CATSPERE: variants seen among roughly 807,000 people sequenced by gnomAD.
CATSPERE encodes the protein cation channel sperm-associated auxiliary subunit epsilon.
A neutral mutation model predicts 114.1 loss-of-function variants in CATSPERE; 93 were observed. The observed-to-expected ratio is 0.81, with a 90% confidence interval of 0.69 to 0.97. The LOEUF is 0.97. CATSPERE is among the 50% of genes least tolerant of loss of function. The pLI, the probability that CATSPERE is intolerant of heterozygous loss-of-function variation, is 0.00. For synonymous variants in CATSPERE, 341 were observed against 384.1 expected (o/e 0.89, Z 1.31); for missense variants, 1,058 against 1,131.6 (o/e 0.93, Z 0.93).
At chr1:244,460,319 G>A (rs1666560322), upstream of CATSPERE, among the ~76,000 whole-genome samples, 5 of 152,092 alleles carry the variant, frequency 3.3e-5, no homozygotes, top group Admixed American at 3.3e-4. Flanking sequence ...TCCTAAGATC[G>A]GTGCTCGAGA....
rs142766335 is a variant in CATSPERE, at chr1:244,603,588, A to G, written c.2304-2107A>G. 2.5e-3 allele frequency among the ~76,000 whole-genome samples: 379 copies of G among 152,294 alleles called. 5 individuals are homozygous for G. The highest frequency in any genetic ancestry group is 0.014 in the East Asian group (71 of 5,184). On this transcript the variant is annotated intron_variant, in intron 17 of 21. Coordinates refer to ENST00000366534, the MANE Select transcript of CATSPERE (RefSeq NM_001130957.2). The stretch of plus-strand genomic sequence containing the variant: ...AAACCCAGAAATTATGGGTCATGTA[A>G]TTTACACTTATTGCCACTAGATGGC...
chr1:244,545,634 A>G (rs1031770275), intron 8 of CATSPERE, among the ~76,000 whole-genome samples: 5 of 152,172 alleles, frequency 3.3e-5, no homozygotes, highest in African/African-American at 7.2e-5. Flanking sequence ...TTGGCCTACT[A>G]TTGGGCTTTA....
Position 244,577,490 on chromosome 1 carries a change from G to C in CATSPERE, c.1951-4306G>C, listed in dbSNP as rs184301097. Among the ~76,000 whole-genome samples, 281 of 152,264 alleles carry C rather than the reference G, an allele frequency of 1.8e-3. 2 individuals are homozygous for C. The highest frequency in any genetic ancestry group is 7.7e-4 in the East Asian group (4 of 5,180). On this transcript the variant is annotated intron_variant, in intron 11 of 21. Transcript: ENST00000366534. Reference sequence around the variant, plus strand: ...TCAAACCAGGTGGCTTATAACAACAGAAATTTACTTTCTCATAGTTCTGGA... The same window carrying C: ...TCAAACCAGGTGGCTTATAACAACACAAATTTACTTTCTCATAGTTCTGGA...
chr1:244,548,768 A>C (rs371879183), intron 8 of CATSPERE, among the ~76,000 whole-genome samples: 5 of 152,346 alleles, frequency 3.3e-5, no homozygotes, highest in Admixed American at 6.5e-5. Flanking sequence ...TGAACGGCTG[A>C]GCAAGGTTCC....
At chr1:244,452,052 C>G (rs1373171905), upstream of CATSPERE, 1 of 370,694 alleles carries the variant, frequency 2.7e-6, no homozygotes, top group Non-Finnish European at 4.8e-6. Flanking sequence ...GCACCGCCCG[C>G]AGGAAGAGGC....
chr1:244,544,582 C>T (rs1323090117), intron 8 of CATSPERE, among the ~76,000 whole-genome samples: 1 of 152,238 alleles, frequency 6.6e-6, no homozygotes, highest in African/African-American at 2.4e-5. Context: ...GCCATTAGCA[C>T]TGCCTCTACC....
chr1:244,635,451 CTTAGTGT>C, intron 20 of CATSPERE, 31 bp from the exon 21 acceptor site: 1 of 1,448,230 alleles, frequency 6.9e-7, no homozygotes, highest in Non-Finnish European at 9.7e-7. Context: ...ATATATTGTA[CTTAGTGT>C]AATCTTTCAT....
At chr1:244,629,236 G>A (rs1007460723) in intron 20 of CATSPERE, among the ~76,000 whole-genome samples, 23 of 152,268 alleles carry the variant, frequency 1.5e-4, no homozygotes, top group African/African-American at 5.5e-4. Context: ...GGTCATAAGA[G>A]TCAGATCTCA....
intron 5 of CATSPERE, among the ~76,000 whole-genome samples, chr1:244,485,707 T>G (rs1263532477): frequency 4.0e-4 from 61 of 151,634 alleles, no homozygotes; most frequent in African/African-American, 1.4e-3. Context: ...TTTTTGTTTT[T>G]TTTTTTTTGA....
chr1:244,494,417 A>C (rs1019581485), intron 6 of CATSPERE, among the ~76,000 whole-genome samples: 1 of 133,744 alleles, frequency 7.5e-6, no homozygotes, highest in Non-Finnish European at 1.5e-5. Context: ...ACACATGGAC[A>C]CAGGAAGGGG....
chr1:244,628,377 C>T (rs1343635110), intron 20 of CATSPERE, among the ~76,000 whole-genome samples: 2 of 152,118 alleles, frequency 1.3e-5, no homozygotes, highest in Non-Finnish European at 2.9e-5. Flanking sequence ...ATACTAGGCA[C>T]CACAGCCCCA....
chr1:244,548,965 C>T (rs1329010808), intron 8 of CATSPERE, among the ~76,000 whole-genome samples: 2 of 152,178 alleles, frequency 1.3e-5, no homozygotes, highest in Non-Finnish European at 1.5e-5. Context: ...CCTACCACCT[C>T]ACCACTTTGG....
intron 6 of CATSPERE, among the ~76,000 whole-genome samples, chr1:244,492,096 AG>A (rs1159962436): frequency 2.0e-5 from 3 of 152,158 alleles, no homozygotes; most frequent in African/African-American, 7.2e-5. Flanking sequence ...TCATTTTATG[AG>A]GCCAGCATCA....
chr1:244,514,828 CA>C (rs371207477), intron 7 of CATSPERE, among the ~76,000 whole-genome samples: 4,160 of 42,412 alleles, frequency 0.098, 37 homozygotes, highest in Non-Finnish European at 0.14. Context: ...GACTCCATCT[CA>C]AAAAAAAAAA....
chr1:244,599,198 G>A (rs1668837308), intron 17 of CATSPERE, among the ~76,000 whole-genome samples: 1 of 152,132 alleles, frequency 6.6e-6, no homozygotes, highest in African/African-American at 2.4e-5. Context: ...AATGTAATCA[G>A]ATACAGTTCC....
intron 7 of CATSPERE, among the ~76,000 whole-genome samples, chr1:244,505,109 C>T (rs973900734): frequency 6.6e-6 from 1 of 152,158 alleles, no homozygotes. Context: ...GCTCCTGCAT[C>T]CCTTTGACAT....
intron 8 of CATSPERE, among the ~76,000 whole-genome samples, chr1:244,527,761 C>T (rs1374084353): frequency 6.6e-6 from 1 of 152,074 alleles, no homozygotes; most frequent in Non-Finnish European, 1.5e-5. Context: ...AATAAATGTC[C>T]ATGAAATCTT....
At chr1:244,507,988 T>G (rs1419366273) in intron 7 of CATSPERE, among the ~76,000 whole-genome samples, 2 of 152,170 alleles carry the variant, frequency 1.3e-5, no homozygotes, top group Non-Finnish European at 2.9e-5. Flanking sequence ...TAGGATTTTT[T>G]TTTCTATTTC....
At chr1:244,565,268 G>A (rs1255121896) in intron 10 of CATSPERE, among the ~76,000 whole-genome samples, 1 of 152,192 alleles carries the variant, frequency 6.6e-6, no homozygotes, top group African/African-American at 2.4e-5. Flanking sequence ...CTCATAAAAT[G>A]AATTAGTGAG....
Sources: allele counts gnomAD v4.1 joint callset (sites outside exome capture counted in the v4.1 genomes callset), GRCh38; gene constraint gnomAD v4.1.1; transcripts MANE v1.5; gene names NCBI Gene and HGNC (gene_info 2026-07-23, HGNC 2026-07-21).